Variants in DIP2B observed in about 807,000 individuals in gnomAD.
The protein encoded by DIP2B is DIP2 acetate--CoA ligase B (putative), also known as disco-interacting protein 2 homolog B.
In DIP2B, 76 loss-of-function variants were observed where a neutral mutation model predicts 198.0. The observed-to-expected ratio is 0.38, with a 90% confidence interval of 0.32 to 0.46. The LOEUF is 0.46. Ranked by LOEUF, DIP2B falls within the 20% of genes least tolerant of loss-of-function variation. DIP2B has a pLI of 0.99. For missense variants in DIP2B, 1,559 were observed against 1,978.4 expected (o/e 0.79, Z 4.02); for synonymous variants, 701 against 739.1 (o/e 0.95, Z 0.84).
rs181175315 is a variant in DIP2B, at chr12:50,637,677, C to T, written c.173-3047C>T. 2.4e-3 allele frequency among the ~76,000 whole-genome samples: 370 copies of T among 152,300 alleles called. 1 individual carries two copies. The highest frequency in any genetic ancestry group is 3.2e-3 in the Non-Finnish European group (220 of 68,032). On this transcript the variant is annotated intron_variant, in intron 2 of 37. Transcript: ENST00000301180. ...GGACACTAGCACCAAGAACAGTAGGCATGTCTGCTCTGTTCACCTCCCAGA... is the reference window on the plus strand; with the variant it reads ...GGACACTAGCACCAAGAACAGTAGGTATGTCTGCTCTGTTCACCTCCCAGA...
At chr12:50,611,127 C>A (rs1251554266) in intron 1 of DIP2B, among the ~76,000 whole-genome samples, 2 of 152,112 alleles carry the variant, frequency 1.3e-5, no homozygotes, top group Non-Finnish European at 2.9e-5. Flanking sequence ...GGATAATAGA[C>A]ACACAAATTA....
At chr12:50,512,975 C>A (rs1658940404) in intron 1 of DIP2B, among the ~76,000 whole-genome samples, 1 of 152,160 alleles carries the variant, frequency 6.6e-6, no homozygotes, top group African/African-American at 2.4e-5. Context: ...CCACTGCACT[C>A]CAGCCTGGGC....
chr12:50,634,897 G>A (rs1016252664), intron 2 of DIP2B, among the ~76,000 whole-genome samples: 4 of 152,170 alleles, frequency 2.6e-5, no homozygotes, highest in African/African-American at 9.7e-5. Flanking sequence ...AGATAAAAGT[G>A]TTAGGTAATA....
At chr12:50,726,268 G>T (rs1172286599) in intron 28 of DIP2B, among the ~76,000 whole-genome samples, 1 of 152,174 alleles carries the variant, frequency 6.6e-6, no homozygotes, top group African/African-American at 2.4e-5. Flanking sequence ...TGACATCCCT[G>T]GTTTTGGCAT....
chr12:50,566,849 G>A (rs565630287), intron 1 of DIP2B, among the ~76,000 whole-genome samples: 3 of 152,046 alleles, frequency 2.0e-5, no homozygotes, highest in Non-Finnish European at 2.9e-5. Context: ...GCGGGCGCCT[G>A]TAGTCCCAGC....
At chr12:50,575,545 C>A (rs530759640) in intron 1 of DIP2B, among the ~76,000 whole-genome samples, 185 of 152,258 alleles carry the variant, frequency 1.2e-3, no homozygotes, top group African/African-American at 4.1e-3. Flanking sequence ...CAGGCACATG[C>A]CACTAGGCCT....
intron 3 of DIP2B, among the ~76,000 whole-genome samples, chr12:50,649,888 A>C (rs139537434): frequency 1.3e-5 from 2 of 152,024 alleles, no homozygotes; most frequent in Non-Finnish European, 2.9e-5. Flanking sequence ...AAAATCAGAG[A>C]TCTTATGTAA....
chr12:50,518,840 A>G (rs1321072478), intron 1 of DIP2B, among the ~76,000 whole-genome samples: 4 of 152,100 alleles, frequency 2.6e-5, no homozygotes, highest in Non-Finnish European at 5.9e-5. Context: ...CTGCAACCTC[A>G]AACTTCTGTA....
intron 3 of DIP2B, among the ~76,000 whole-genome samples, chr12:50,648,823 A>G (rs1464820345): frequency 1.3e-5 from 2 of 152,164 alleles, no homozygotes; most frequent in African/African-American, 4.8e-5. Flanking sequence ...AAGAATTAGA[A>G]AAGAAGTAAA....
chr12:50,627,085 C>T (rs769112889), intron 2 of DIP2B, among the ~76,000 whole-genome samples: 5 of 152,134 alleles, frequency 3.3e-5, no homozygotes, highest in African/African-American at 9.7e-5. Context: ...ATTGGGCCAG[C>T]GACAGCTAGT....
intron 8 of DIP2B, chr12:50,680,393 C>A (rs2139534417): frequency 3.8e-6 from 1 of 260,278 alleles, no homozygotes; most frequent in Non-Finnish European, 7.2e-6. Flanking sequence ...TATGCAGATT[C>A]TTTCAGAAAA....
At chr12:50,570,293 A>G (rs3935869) in intron 1 of DIP2B, among the ~76,000 whole-genome samples, 37,778 of 152,194 alleles carry the variant, frequency 0.25, 5,515 homozygotes, top group East Asian at 0.39. Flanking sequence ...GTGTGTATAT[A>G]TGTATATTTG....
At chr12:50,677,487 C>T (rs572338790) in intron 7 of DIP2B, among the ~76,000 whole-genome samples, 19 of 151,996 alleles carry the variant, frequency 1.3e-4, no homozygotes, top group African/African-American at 4.3e-4. Context: ...TGGTGGCGGG[C>T]GCCTATAATC....
chr12:50,731,099 T>C lies in DIP2B; in HGVS notation c.3642-270T>C, dbSNP rs146975168. Among the ~76,000 whole-genome samples the C allele has an allele frequency of 3.7e-3, 566 of 152,338 alleles. 3 individuals are homozygous for C. Among genetic ancestry groups the C allele is most frequent in the African/African-American group, 0.013 (547 of 41,582 alleles). ...GTTATTAGGAATTACCTTTCCAGAA[T>C]GTTTAGTATCATCTTGACCATATTA... On this transcript the variant is annotated intron_variant, in intron 30 of 37. Transcript: ENST00000301180.
chr12:50,677,080 T>G (rs557611178), intron 7 of DIP2B, among the ~76,000 whole-genome samples: 1 of 152,316 alleles, frequency 6.6e-6, no homozygotes, highest in South Asian at 2.1e-4. Flanking sequence ...CATCTAAGAT[T>G]TGTTGCTCAT....
chr12:50,638,594 G>A (rs1008301346), intron 2 of DIP2B, among the ~76,000 whole-genome samples: 2 of 152,104 alleles, frequency 1.3e-5, no homozygotes, highest in African/African-American at 2.4e-5. Context: ...CCATGGCAGT[G>A]AAACTGTGTA....
In DIP2B at chr12:50,745,016, C is replaced by A; in HGVS notation, c.*177C>A. The A allele has an allele frequency of 5.1e-6, 4 of 784,024 alleles. No individual in the cohort carries two copies. Among genetic ancestry groups the A allele is most frequent in the Non-Finnish European group, 7.8e-6 (4 of 510,012 alleles). 48.6% of individuals were successfully genotyped at this position (784,024 alleles called of 1,614,324 possible). Reference sequence around the variant, plus strand: ...ACAGGAAAGGGGAATTCTGTGATGGCAAATGAAAAAAATGTTAACATTTGG... The same window carrying A: ...ACAGGAAAGGGGAATTCTGTGATGGAAAATGAAAAAAATGTTAACATTTGG... On this transcript the variant is annotated 3_prime_UTR_variant, in exon 38 of 38. Transcript: ENST00000301180.
chr12:50,707,443 A>T (rs1939533622), intron 21 of DIP2B, among the ~76,000 whole-genome samples: 1 of 152,204 alleles, frequency 6.6e-6, no homozygotes, highest in African/African-American at 2.4e-5. Context: ...GGGTGAATGT[A>T]TGTGGAAGGA....
chr12:50,731,565 G>C lies in DIP2B; in HGVS notation c.3810+28G>C, dbSNP rs766433653. 4.4e-6 allele frequency: 7 copies of C among 1,591,280 alleles called. No individual in the cohort carries two copies. The East Asian group carries it at 1.3e-4, about 31-fold the overall frequency. On this transcript the variant is annotated intron_variant, in intron 31 of 37. Coordinates refer to ENST00000301180, the MANE Select transcript of DIP2B (RefSeq NM_173602.3). Reference sequence around the variant, plus strand: ...AAGAAGCAGCTCCAGCAGGTGGCCAGTCCCAAAAGGTTCTGAAGAAATGCG... The same window carrying C: ...AAGAAGCAGCTCCAGCAGGTGGCCACTCCCAAAAGGTTCTGAAGAAATGCG...
Sources: gnomAD v4.1 joint callset for allele counts (sites outside exome capture counted in the v4.1 genomes callset) on GRCh38, gnomAD v4.1.1 for gene constraint, MANE v1.5 for transcripts, NCBI Gene and HGNC (gene_info 2026-07-23, HGNC 2026-07-21) for gene names.